The following RBFOX1 variants were observed in gnomAD, a reference collection of about 807,000 sequenced individuals.
RBFOX1 encodes RNA binding protein fox-1 homolog 1.
In RBFOX1, 8 loss-of-function variants were observed where a neutral mutation model predicts 57.7. The observed-to-expected ratio is 0.14, with a 90% CI of 0.08 to 0.25. The LOEUF is 0.25. Among genes scored for constraint, RBFOX1 ranks in the 10% least tolerant of loss-of-function variants. RBFOX1 has a pLI of 1.00. For missense variants in RBFOX1, 611 were observed against 548.5 expected (o/e 1.11, Z -1.14); for synonymous variants, 326 against 222.4 (o/e 1.47, Z -4.15).
rs143315635 is a variant in RBFOX1 at position 6,910,975 on chromosome 16, C to T, written c.-15-141082C>T. ...CAGCACTTTGGGAGGCCGAGACAGG[C>T]GGATCACTTGAGGTCAGGAGTTTGA... On this transcript the variant is annotated intron_variant, in intron 3 of 15. Transcript: ENST00000550418. Among the ~76,000 whole-genome samples, 792 of 152,086 alleles carry T rather than the reference C, an allele frequency of 5.2e-3. 6 individuals are homozygous for T. Among genetic ancestry groups the T allele is most frequent in the Non-Finnish European group, 8.1e-3 (553 of 67,972 alleles).
Position 6,979,831 on chromosome 16 carries a change from A to G in RBFOX1, c.-15-72226A>G, listed in dbSNP as rs189871418. Among the ~76,000 whole-genome samples the G allele has an allele frequency of 1.8e-3, 275 of 152,280 alleles. 2 individuals are homozygous for G. The highest frequency in any genetic ancestry group is 6.6e-3 in the African/African-American group (273 of 41,554). On this transcript the variant is annotated intron_variant, in intron 3 of 15. Transcript: ENST00000550418. ...GCCTACAGAAATGCCAGATGCACTC[A>G]GGCTGGTGTTGGGCTCTGTGATGTG...
intron 3 of RBFOX1, among the ~76,000 whole-genome samples, chr16:5,714,137 T>A (rs1447198112): frequency 6.6e-6 from 1 of 152,216 alleles, no homozygotes; most frequent in Non-Finnish European, 1.5e-5. Flanking sequence ...CATATCTGTT[T>A]ATAAACATAC....
chr16:5,996,011 G>C (rs1488149352), intron 4 of RBFOX1, among the ~76,000 whole-genome samples: 1 of 152,154 alleles, frequency 6.6e-6, no homozygotes, highest in Non-Finnish European at 1.5e-5. Context: ...TCACATGGTG[G>C]AAGGAGAAAA....
At chr16:5,764,501 T>C (rs2053707436) in intron 3 of RBFOX1, among the ~76,000 whole-genome samples, 1 of 152,268 alleles carries the variant, frequency 6.6e-6, no homozygotes, top group South Asian at 2.1e-4. Flanking sequence ...GCTCAGGTGT[T>C]TCTTTACAGC....
intron 4 of RBFOX1, among the ~76,000 whole-genome samples, chr16:7,515,474 CACAT>C (rs898370251): frequency 6.7e-6 from 1 of 149,792 alleles, no homozygotes; most frequent in African/African-American, 2.5e-5. Flanking sequence ...TCTCCACACA[CACAT>C]ACACACACAC....
intron 4 of RBFOX1, among the ~76,000 whole-genome samples, chr16:7,268,352 C>T (rs2095228222): frequency 6.6e-6 from 1 of 152,164 alleles, no homozygotes; most frequent in Admixed American, 6.5e-5. Context: ...GAACAGGCTG[C>T]TGAAGAAGTC....
intron 3 of RBFOX1, among the ~76,000 whole-genome samples, chr16:5,738,635 G>GAAA (rs61011633): frequency 4.9e-5 from 3 of 61,178 alleles, no homozygotes; most frequent in Non-Finnish European, 6.0e-5. Flanking sequence ...CTCTGTCTCA[G>GAAA]AAAAAAAAAA....
intron 1 of RBFOX1, among the ~76,000 whole-genome samples, chr16:5,405,717 G>T (rs73522505): frequency 6.6e-6 from 1 of 152,210 alleles, no homozygotes; most frequent in Admixed American, 6.5e-5. Context: ...GGTTTGCGGG[G>T]ATAAGTTATT....
At chr16:6,613,377 T>G (rs917933194) in intron 2 of RBFOX1, among the ~76,000 whole-genome samples, 1 of 152,038 alleles carries the variant, frequency 6.6e-6, no homozygotes, top group Non-Finnish European at 1.5e-5. Flanking sequence ...AAAATCCATA[T>G]GAGAATGCCT....
At chr16:6,984,097 A>G (rs1030831348) in intron 3 of RBFOX1, among the ~76,000 whole-genome samples, 5 of 152,082 alleles carry the variant, frequency 3.3e-5, no homozygotes, top group African/African-American at 9.7e-5. Context: ...AAAATACGAA[A>G]TTAGCCGAGT....
At chr16:7,558,298 G>A (rs1360022965) in intron 5 of RBFOX1, among the ~76,000 whole-genome samples, 3 of 152,054 alleles carry the variant, frequency 2.0e-5, no homozygotes, top group Non-Finnish European at 2.9e-5. Context: ...CGGCTGCAGT[G>A]AGCCATGATT....
intron 1 of RBFOX1, among the ~76,000 whole-genome samples, chr16:6,315,447 G>T (rs1266063387): frequency 6.7e-6 from 1 of 150,308 alleles, no homozygotes; most frequent in African/African-American, 2.4e-5. Flanking sequence ...ATGGATGGAT[G>T]GGTGAATCGG....
chr16:5,494,637 C>T (rs545858529), intron 2 of RBFOX1, among the ~76,000 whole-genome samples: 4 of 152,292 alleles, frequency 2.6e-5, no homozygotes, highest in African/African-American at 9.6e-5. Flanking sequence ...GGGCCGATGG[C>T]AGAGGAGCCA....
At chr16:6,655,708 A>C (rs1025093282) in intron 3 of RBFOX1, among the ~76,000 whole-genome samples, 5 of 152,298 alleles carry the variant, frequency 3.3e-5, no homozygotes, top group African/African-American at 1.2e-4. Flanking sequence ...GAGGTCAAAT[A>C]AGCAAGTTAA....
chr16:5,503,686 C>T (rs369208526), intron 2 of RBFOX1, among the ~76,000 whole-genome samples: 12 of 152,260 alleles, frequency 7.9e-5, no homozygotes, highest in African/African-American at 2.6e-4. Flanking sequence ...TGAGGTGATC[C>T]ATCTGCCTCG....
chr16:6,324,750 C>G (rs142763382), intron 2 of RBFOX1, among the ~76,000 whole-genome samples: 64 of 152,248 alleles, frequency 4.2e-4, no homozygotes, highest in Non-Finnish European at 7.9e-4. Context: ...TGGTCTTTAA[C>G]TAGGGCCCCA....
chr16:6,721,911 C>G (rs1452628333), intron 3 of RBFOX1: 1 of 153,476 alleles, frequency 6.5e-6, no homozygotes, highest in Admixed American at 6.6e-5. Flanking sequence ...CCTCACCTGG[C>G]CTCTGCATTT....
chr16:6,514,138 C>T (rs2096317494), intron 2 of RBFOX1, among the ~76,000 whole-genome samples: 1 of 152,162 alleles, frequency 6.6e-6, no homozygotes, highest in Non-Finnish European at 1.5e-5. Flanking sequence ...CCCTAGGTGT[C>T]ACGTTCCATC....
chr16:6,973,394 A>G (rs2086031784), intron 3 of RBFOX1, among the ~76,000 whole-genome samples: 1 of 152,214 alleles, frequency 6.6e-6, no homozygotes, highest in Non-Finnish European at 1.5e-5. Context: ...ATAAGAGATA[A>G]TAACACATCA....
Sources: allele counts gnomAD v4.1 joint callset (sites outside exome capture counted in the v4.1 genomes callset), GRCh38; gene constraint gnomAD v4.1.1; transcripts MANE v1.5; gene names NCBI Gene and HGNC (gene_info 2026-07-23, HGNC 2026-07-21).